Variants in FANCG observed in about 807,000 individuals in gnomAD.
The protein encoded by FANCG is FA complementation group G.
FANCG carries 67 observed loss-of-function variants against 73.3 expected under a neutral mutation model. The ratio of observed to expected loss-of-function variants is 0.91; its 90% CI spans 0.75 to 1.12. The LOEUF is 1.12. Among genes scored for constraint, FANCG ranks in the 50% most tolerant of loss-of-function variants. FANCG has a pLI of 0.00. For synonymous variants in FANCG, 297 were observed against 311.6 expected, an observed-to-expected ratio of 0.95 and a Z score of 0.49; for missense variants, 643 against 735.6, an observed-to-expected ratio of 0.87 and a Z score of 1.46.
rs1829151514 is a variant in FANCG at position 35,079,882 on chromosome 9, A to G, written c.-358T>C. On this transcript the variant is annotated 5_prime_UTR_variant, in exon 1 of 14. Transcript: ENST00000378643. Reference sequence around the variant, plus strand: ...AGCCGGGGTCGTGTCTGACTGGGGCAGTCGCACGGCCGGCGGTGCGGCCCG... The same window carrying G: ...AGCCGGGGTCGTGTCTGACTGGGGCGGTCGCACGGCCGGCGGTGCGGCCCG... 2.4e-6 allele frequency: 1 copy of G among 421,862 alleles called. No individual in the cohort carries two copies. Among genetic ancestry groups the G allele is most frequent in the South Asian group, 2.4e-5 (1 of 42,356 alleles). The allele number at this position is 421,862 out of a possible 1,614,324, so 26.1% of individuals were successfully genotyped here.
In FANCG at chr9:35,075,652, G is replaced by C; in HGVS notation, c.1246C>G (p.Leu416Val). The part of the protein sequence containing the change: ...QAGRAQDALT[L>V]CEELLSRTSS... ...GTGCGGCTGAGCAACTCCTCACATA[G>C]AGTCAAGGCATCTTGGGCTCTGCCT... is the stretch of plus-strand genomic sequence containing the variant. Residue 416 changes from leucine to valine, a missense_variant, in exon 10 of 14, where the codon CTA becomes GTA. By Grantham distance (32) the Leu-to-Val change is conservative. Coordinates refer to ENST00000378643, the MANE Select transcript of FANCG (RefSeq NM_004629.2). The C allele has an allele frequency of 1.2e-6, 2 of 1,611,346 alleles. No individual in the cohort carries two copies. The highest frequency in any genetic ancestry group is 8.5e-7 in the Non-Finnish European group (1 of 1,178,966).
In FANCG at chr9:35,079,242, C is replaced by T. The variant is rs1052044702; in HGVS notation, c.85-1G>A. 4 of 1,606,826 alleles carry T rather than the reference C, an allele frequency of 2.5e-6. No homozygotes were observed. The highest frequency in any genetic ancestry group is 3.4e-6 in the Non-Finnish European group (4 of 1,176,906). ...GAGTCAGACCGGAGTTCTGAGCCAC[C>T]TGCCACATGAGGGAGGGGTTGTCAC... On this transcript the variant is annotated splice_acceptor_variant, in intron 1 of 13. Coordinates refer to ENST00000378643, the MANE Select transcript of FANCG (RefSeq NM_004629.2). LOFTEE classifies it high-confidence loss of function.
rs1829061132 is a variant in FANCG at position 35,075,281 on chromosome 9, T to C, written c.1478A>G (p.Gln493Arg). 2 of 1,614,058 alleles carry C rather than the reference T, an allele frequency of 1.2e-6. No homozygotes were observed. Among genetic ancestry groups the C allele is most frequent in the African/African-American group, 2.7e-5 (2 of 74,920 alleles). The stretch of plus-strand genomic sequence containing the variant: ...GGAAAACTGAAAGTTTAGATCACCT[T>C]GTTCTTTTTCCTCAGGTGTGGCCCG... ...LFRATPEEKE[Q>R]GAAFNCEQGC... is the part of the protein sequence containing the mutation. Residue 493 changes from glutamine (Q) to arginine (R), a missense_variant and splice_region_variant, in exon 11 of 14, where the codon CAA becomes CGA. Transcript: ENST00000378643.
intron 7 of FANCG, 23 bp from the exon 8 acceptor site, chr9:35,076,606 G>C (rs567380452): frequency 4.3e-6 from 7 of 1,614,104 alleles, no homozygotes; most frequent in African/African-American, 4.0e-5. Flanking sequence ...GAAAAAAATT[G>C]TATCTATAAT....
In FANCG at chr9:35,079,258, G is replaced by C. The variant is rs754214890; in HGVS notation, c.85-17C>G. The C allele has an allele frequency of 6.2e-7, 1 of 1,601,874 alleles. No individual in the cohort carries two copies. The highest frequency in any genetic ancestry group is 8.5e-7 in the Non-Finnish European group (1 of 1,173,056). ...CTGAGCCACCTGCCACATGAGGGAGGGGTTGTCACTGAGGATCAATCCTTT... is the reference window on the plus strand; with the variant it reads ...CTGAGCCACCTGCCACATGAGGGAGCGGTTGTCACTGAGGATCAATCCTTT... On this transcript the variant is annotated splice_polypyrimidine_tract_variant and intron_variant, in intron 1 of 13. Coordinates refer to ENST00000378643, the MANE Select transcript of FANCG (RefSeq NM_004629.2).
chr9:35,079,030 CT>C, intron 2 of FANCG, 120 bp downstream of exon 2: 3 of 871,686 alleles, frequency 3.4e-6, no homozygotes, highest in Non-Finnish European at 5.6e-6. Context: ...CTCCAGTCTC[CT>C]CTGTGCCTTA....
Position 35,074,991 on chromosome 9 carries a change from C to T in FANCG, c.1572G>A (p.Trp524Ter), listed in dbSNP as rs1461242610. ...CTTTGGTATCCTGGCCGCTGGCTACCCATTCCAGTCCACGACTAATTAGGG... is the reference window on the plus strand; with the variant it reads ...CTTTGGTATCCTGGCCGCTGGCTACTCATTCCAGTCCACGACTAATTAGGG... ...AAALISRGLE[W>*]VASGQDTKAL... Residue 524 changes from tryptophan to a stop codon, truncating the protein, a stop_gained, in exon 12 of 14, where the codon TGG (tryptophan) becomes TGA (stop). Coordinates refer to ENST00000378643, the MANE Select transcript of FANCG (RefSeq NM_004629.2). LOFTEE classifies it high-confidence loss of function. 6.2e-7 allele frequency: 1 copy of T among 1,614,222 alleles called. No homozygotes were observed. The highest frequency in any genetic ancestry group is 8.5e-7 in the Non-Finnish European group (1 of 1,180,046).
chr9:35,077,269 C>T lies in FANCG; in HGVS notation c.641G>A (p.Arg214His), dbSNP rs1195912341. 8 of 1,614,020 alleles carry T rather than the reference C, an allele frequency of 5.0e-6. No homozygotes were observed. The highest frequency in any genetic ancestry group is 1.7e-5 in the Admixed American group (1 of 59,994). ...GAGTCAGGTTGCTAGCTGACCTTGG[C>T]GGTAGGCAAATGCTGTCAGGAGGAC... is the stretch of plus-strand genomic sequence containing the variant. ...KDVLLTAFAY[R>H]QGLQELITGN... Residue 214 changes from arginine (R) to histidine (H), a missense_variant, in exon 5 of 14, where the codon CGC becomes CAC. Transcript: ENST00000378643.
intron 2 of FANCG, 92 bp downstream of exon 2, chr9:35,079,059 C>T: frequency 8.9e-7 from 1 of 1,119,488 alleles, no homozygotes; most frequent in Non-Finnish European, 1.3e-6. Context: ...CTCCCTGCCC[C>T]GAGTAATTAT....
chr9:35,074,718 A>G lies in FANCG; in HGVS notation c.1636+209T>C, dbSNP rs1438238416. 14 of 852,294 alleles carry G rather than the reference A, an allele frequency of 1.6e-5. No individual in the cohort carries two copies. In the Admixed American group the frequency reaches 2.7e-4, roughly 17 times the overall value. 52.8% of individuals were successfully genotyped at this position (852,294 alleles called of 1,614,324 possible). A position where few individuals can be genotyped will look rare whatever the true frequency, so the allele number is the denominator to read the frequency against. On this transcript the variant is annotated intron_variant, in intron 12 of 13. Transcript: ENST00000378643. ...AGAGTCATGGTCTTTGTGTCTGAGG[A>G]TATCGGGGAAACCAGGGAACTCTTG... is the stretch of plus-strand genomic sequence containing the variant.
intron 11 of FANCG, 68 bp from the exon 12 acceptor site, chr9:35,075,150 C>T: frequency 6.2e-7 from 1 of 1,610,542 alleles, no homozygotes; most frequent in African/African-American, 1.3e-5. Context: ...CCAAATCCTC[C>T]TCTATTTCTT....
Position 35,077,115 on chromosome 9 carries a change from G to C in FANCG, c.647-14C>G. The C allele has an allele frequency of 6.2e-7, 1 of 1,614,188 alleles. No individual in the cohort carries two copies. Among genetic ancestry groups the C allele is most frequent in the Non-Finnish European group, 8.5e-7 (1 of 1,180,030 alleles). On this transcript the variant is annotated splice_polypyrimidine_tract_variant and intron_variant, in intron 5 of 13. Coordinates refer to ENST00000378643, the MANE Select transcript of FANCG (RefSeq NM_004629.2). The stretch of plus-strand genomic sequence containing the variant: ...GCTCCTGGAGACCTGAGGACAGTCA[G>C]GGTGTGAGCTTGGAGAGGGCTATAG...
intron 8 of FANCG, 27 bp downstream of exon 8, chr9:35,076,405 A>G (rs754507676): frequency 2.5e-6 from 4 of 1,612,782 alleles, no homozygotes; most frequent in Middle Eastern, 1.9e-4. Flanking sequence ...TGGGAAGAGA[A>G]GCTCAGGTGA....
In FANCG at chr9:35,076,414, G is replaced by A. The variant is rs1800567418; in HGVS notation, c.1076+18C>T. ...CAGAAGTGGGAAGAGAAGCTCAGGT[G>A]AGCAAGGGGAACCTCACCTCCCCGT... On this transcript the variant is annotated intron_variant, in intron 8 of 13. Coordinates refer to ENST00000378643, the MANE Select transcript of FANCG (RefSeq NM_004629.2). The A allele has an allele frequency of 6.2e-7, 1 of 1,613,346 alleles. No individual in the cohort carries two copies. The highest frequency in any genetic ancestry group is 1.3e-5 in the African/African-American group (1 of 75,002).
At chr9:35,079,090 A>G in intron 2 of FANCG, 61 bp downstream of exon 2, 1 of 1,405,826 alleles carries the variant, frequency 7.1e-7, no homozygotes, top group Non-Finnish European at 9.9e-7. Context: ...AAAACGCAGG[A>G]GCGGATGTTT....
In FANCG at chr9:35,074,172, G is replaced by T. The variant is rs370950631; in HGVS notation, c.1805C>A (p.Pro602His). Residue 602 changes from proline (P) to histidine (H), a missense_variant, in exon 14 of 14, where the codon CCC becomes CAC. Physicochemically the swap from Pro to His is moderately conservative, Grantham distance 77. Transcript: ENST00000378643. ...YLESYLSWIR[P>H]SDRDAFLEEF... is the part of the protein sequence containing the mutation. ...TTCAAGGAAGGCGTCACGATCAGAG[G>T]GACGGATCCAGCTCAAATAGCTTTC... is the stretch of plus-strand genomic sequence containing the variant. 2.5e-6 allele frequency: 4 copies of T among 1,614,120 alleles called. No individual in the cohort carries two copies. The African/African-American group carries it at 5.3e-5, about 22-fold the overall frequency.
Position 35,078,231 on chromosome 9 carries a change from G to T in FANCG, c.420C>A (p.His140Gln), listed in dbSNP as rs764566651. 9 of 1,614,178 alleles carry T rather than the reference G, an allele frequency of 5.6e-6. No individual in the cohort carries two copies. In the East Asian group the frequency reaches 2.0e-4, roughly 36 times the overall value. Reference protein sequence around the residue: ...CLLPELLSALHRLVGLQAALW... With the variant: ...CLLPELLSALQRLVGLQAALW... Reference sequence around the variant, plus strand: ...GGGCAGCCTGCAGGCCAACCAGGCGGTGCAGGGCAGACAGCAGCTCCGGCA... The same window carrying T: ...GGGCAGCCTGCAGGCCAACCAGGCGTTGCAGGGCAGACAGCAGCTCCGGCA... Residue 140 changes from histidine to glutamine, a missense_variant, in exon 4 of 14, where the codon CAC (histidine) becomes CAA (glutamine). By Grantham distance (24) the His-to-Gln change is conservative. Transcript: ENST00000378643.
chr9:35,075,162 T>G, intron 11 of FANCG, 80 bp from the exon 12 acceptor site: 6 of 1,608,908 alleles, frequency 3.7e-6, no homozygotes, highest in Non-Finnish European at 5.1e-6. Context: ...CTATTTCTTC[T>G]TGTGTCCACA....
chr9:35,073,874 A>AC lies in FANCG; in HGVS notation c.*233_*234insG, dbSNP rs1275888712. On this transcript the variant is annotated 3_prime_UTR_variant, in exon 14 of 14. Coordinates refer to ENST00000378643, the MANE Select transcript of FANCG (RefSeq NM_004629.2). The stretch of plus-strand genomic sequence containing the variant: ...ATTTTACTCGACAACAGAAAAGGAG[A>AC]AACAGGAAAAAAGGTGCCTCGAGCA... 5 of 595,954 alleles carry AC rather than the reference A, an allele frequency of 8.4e-6. No homozygotes were observed. Among genetic ancestry groups the AC allele is most frequent in the Non-Finnish European group, 1.5e-5 (5 of 334,702 alleles). 36.9% of individuals were successfully genotyped at this position (595,954 alleles called of 1,614,324 possible).
Sources: allele counts gnomAD v4.1 joint callset, GRCh38; gene constraint gnomAD v4.1.1; transcripts MANE v1.5; gene names NCBI Gene and HGNC (gene_info 2026-07-23, HGNC 2026-07-21).